Variants in SCUBE2 observed in about 807,000 individuals in gnomAD.
SCUBE2 encodes signal peptide, CUB domain and EGF like domain containing 2.
SCUBE2 carries 114 observed loss-of-function variants against 125.9 expected under a neutral mutation model. That is an observed-to-expected ratio of 0.91 (90% CI 0.78 to 1.06). The LOEUF is 1.06. Among genes scored for constraint, SCUBE2 ranks in the 50% least tolerant of loss-of-function variants. SCUBE2 has a pLI of 0.00. For synonymous variants in SCUBE2, 459 were observed against 492.9 expected (o/e 0.93, Z 0.91); for missense variants, 1,255 against 1,301.8 (o/e 0.96, Z 0.55).
chr11:9,032,453 G>A (rs1856390325), intron 17 of SCUBE2, among the ~76,000 whole-genome samples: 1 of 152,128 alleles, frequency 6.6e-6, no homozygotes, highest in South Asian at 2.1e-4. Flanking sequence ...GGTCACATAG[G>A]CCGGGTGCAG....
In SCUBE2 at chr11:9,046,500, C is replaced by T. The variant is rs137888131; in HGVS notation, c.2002+856G>A. 1.4e-4 allele frequency among the ~76,000 whole-genome samples: 21 copies of T among 152,240 alleles called. No homozygotes were observed. The East Asian group carries it at 3.5e-3, about 25-fold the overall frequency. On this transcript the variant is annotated intron_variant, in intron 16 of 22. Transcript: ENST00000649792. ...AACTGGCCACAAAGACTCCCTGGCCCGTCCGTGAGGCCTAACCCCAACAGG... is the reference window on the plus strand; with the variant it reads ...AACTGGCCACAAAGACTCCCTGGCCTGTCCGTGAGGCCTAACCCCAACAGG...
chr11:9,045,626 C>G (rs978481937), intron 16 of SCUBE2, among the ~76,000 whole-genome samples: 24 of 148,798 alleles, frequency 1.6e-4, no homozygotes, highest in African/African-American at 2.6e-4. Context: ...CACACACACA[C>G]ACACACACAC....
At position 9,029,883 on chromosome 11, in the gene SCUBE2, C is replaced by CT. The variant is rs1856144338; in HGVS notation, c.2503dup (p.Asn835LysfsTer16). Reference sequence around the variant, plus strand: ...ATGAAAAGCCTTAGAGAGGGACCTACTTTTACACTGGGTTATGTTTGTGGA... The same window carrying CT: ...ATGAAAAGCCTTAGAGAGGGACCTACTTTTTACACTGGGTTATGTTTGTGGA... On this transcript the variant is annotated frameshift_variant and splice_region_variant. Transcript: ENST00000649792. LOFTEE classifies it high-confidence loss of function. 1 of 1,614,062 alleles carries CT rather than the reference C, an allele frequency of 6.2e-7. No individual in the cohort carries two copies. Among genetic ancestry groups the CT allele is most frequent in the Non-Finnish European group, 8.5e-7 (1 of 1,180,022 alleles).
intron 4 of SCUBE2, 122 bp from the exon 5 acceptor site, chr11:9,069,617 C>A (rs755780845): frequency 4.7e-6 from 6 of 1,283,758 alleles, no homozygotes; most frequent in Non-Finnish European, 6.5e-6. Flanking sequence ...ATCAGCCCCA[C>A]ATTTGAAAAG....
intron 3 of SCUBE2, among the ~76,000 whole-genome samples, chr11:9,076,220 A>AGGGAGGAGGCAGAGGAGAT (rs1246609451): frequency 6.6e-6 from 1 of 152,102 alleles, no homozygotes; most frequent in Non-Finnish European, 1.5e-5. Context: ...TGCCAGGGGC[A>AGGGAGGAGGCAGAGGAGAT]GGGAGGAGGC....
At chr11:9,052,904 C>A (rs1449220844) in intron 12 of SCUBE2, 72 bp from the exon 13 acceptor site, 3 of 1,240,012 alleles carry the variant, frequency 2.4e-6, no homozygotes, top group Non-Finnish European at 3.4e-6. Context: ...GCTAAACTGT[C>A]CCCCCACCCC....
chr11:9,088,870 G>A (rs1030134178), intron 2 of SCUBE2, among the ~76,000 whole-genome samples: 3 of 152,206 alleles, frequency 2.0e-5, no homozygotes, highest in Non-Finnish European at 2.9e-5. Context: ...GCTAGGGGTG[G>A]AGACCTGACT....
Position 9,069,367 on chromosome 11 carries a change from T to G in SCUBE2, c.643+3A>C, listed in dbSNP as rs762440247. 6.2e-7 allele frequency: 1 copy of G among 1,614,172 alleles called. No individual in the cohort carries two copies. The highest frequency in any genetic ancestry group is 8.5e-7 in the Non-Finnish European group (1 of 1,180,014). On this transcript the variant is annotated splice_donor_region_variant and intron_variant, in intron 5 of 22. Coordinates refer to ENST00000649792, the MANE Select transcript of SCUBE2 (RefSeq NM_001367977.2). ...TGGCAGGTGTGCACTGGCCCATACT[T>G]ACAGATGCAGTCTCTCTGGTTCTTG...
At chr11:9,066,066 G>A in intron 6 of SCUBE2, 86 bp from the exon 7 acceptor site, 3 of 873,270 alleles carry the variant, frequency 3.4e-6, no homozygotes, top group Non-Finnish European at 5.6e-6. Context: ...TGAAATCCCA[G>A]ACATAAGAGG....
At chr11:9,061,571 G>GA (rs11301303) in intron 7 of SCUBE2, among the ~76,000 whole-genome samples, 11,207 of 101,038 alleles carry the variant, frequency 0.11, 787 homozygotes, top group African/African-American at 0.26. Context: ...GAAAAGAAAA[G>GA]AAAAAAAAAA....
At chr11:9,066,130 C>G in intron 6 of SCUBE2, 150 bp from the exon 7 acceptor site, 1 of 616,928 alleles carries the variant, frequency 1.6e-6, no homozygotes, top group Non-Finnish European at 2.9e-6. Flanking sequence ...TAATGAGGCT[C>G]TGTGGGAGAC....
rs1010704374 is a variant in SCUBE2 at position 9,074,415 on chromosome 11, T to C, written c.517+66A>G. On this transcript the variant is annotated intron_variant, in intron 4 of 22. Coordinates refer to ENST00000649792, the MANE Select transcript of SCUBE2 (RefSeq NM_001367977.2). ...GCTTCCCCTCTAGAGTCAGTGTGTGTGTGCGCGTGCAAGGGAGAGGGTCTC... is the reference window on the plus strand; with the variant it reads ...GCTTCCCCTCTAGAGTCAGTGTGTGCGTGCGCGTGCAAGGGAGAGGGTCTC... 3.5e-5 allele frequency: 56 copies of C among 1,578,700 alleles called. 2 individuals are homozygous for C. Among genetic ancestry groups the C allele is most frequent in the Non-Finnish European group, 6.0e-6 (7 of 1,158,102 alleles).
chr11:9,041,189 C>T (rs919023130), intron 16 of SCUBE2, among the ~76,000 whole-genome samples: 1 of 152,130 alleles, frequency 6.6e-6, no homozygotes, highest in Non-Finnish European at 1.5e-5. Flanking sequence ...ACATAGTGTA[C>T]TAGCCAATAG....
rs1032686368 is a variant in SCUBE2, at chr11:9,089,818, A to G, written c.145T>C (p.Cys49Arg). The change falls in exon 2 of 23, where the codon TGT (cysteine) becomes CGT (arginine). Residue 49 changes from cysteine to arginine, a missense_variant. Cys to Arg is a radical substitution (Grantham distance 180, BLOSUM62 -3). Around this residue, in one of 3 missense-constraint regions of SCUBE2, gnomAD observed 362 missense variants for 323.0 expected, o/e 1.12. Transcript: ENST00000649792. ...AAGPQEDVDE[C>R]AQGLDDCHAD... ...TGGCAGTCATCTAGCCCTTGGGCAC[A>G]CTCATCTACATCTGCAAAAGAGCAC... is the stretch of plus-strand genomic sequence containing the variant. 14 of 1,613,460 alleles carry G rather than the reference A, an allele frequency of 8.7e-6. No individual in the cohort carries two copies. The highest frequency in any genetic ancestry group is 2.7e-5 in the African/African-American group (2 of 74,830).
At chr11:9,047,795 C>A in intron 15 of SCUBE2, 148 bp downstream of exon 15, 1 of 1,040,502 alleles carries the variant, frequency 9.6e-7, no homozygotes, top group Non-Finnish European at 1.4e-6. Flanking sequence ...GGTTCCAAAC[C>A]AATTCAGTTT....
chr11:9,027,459 T>G lies in SCUBE2; in HGVS notation c.2606A>C (p.Asn869Thr). 6.2e-7 allele frequency: 1 copy of G among 1,613,852 alleles called. No individual in the cohort carries two copies. Among genetic ancestry groups the G allele is most frequent in the Non-Finnish European group, 8.5e-7 (1 of 1,179,976 alleles). ...CAGGATGCGGCGCTTGGGGGGTGGG[T>G]TGATGGTCCACGTACACTCGGTGTT... Reference protein sequence around the residue: ...PANTECTWTINPPPKRRILIV... With the variant: ...PANTECTWTITPPPKRRILIV... The change falls in exon 20 of 23, where the codon AAC becomes ACC. Residue 869 changes from asparagine (N) to threonine (T), a missense_variant. By Grantham distance (65) the Asn-to-Thr change is moderately conservative. Coordinates refer to ENST00000649792, the MANE Select transcript of SCUBE2 (RefSeq NM_001367977.2).
At chr11:9,025,588 C>G in intron 21 of SCUBE2, 114 bp downstream of exon 21, 1 of 1,325,932 alleles carries the variant, frequency 7.5e-7, no homozygotes. Flanking sequence ...CTTTTCCCCT[C>G]ATCTTGCCTG....
intron 19 of SCUBE2, among the ~76,000 whole-genome samples, chr11:9,029,168 T>C (rs1364126592): frequency 6.6e-6 from 1 of 151,220 alleles, no homozygotes; most frequent in Non-Finnish European, 1.5e-5. Context: ...ATAGTGGCTT[T>C]AAAAAAAAAG....
intron 4 of SCUBE2, among the ~76,000 whole-genome samples, chr11:9,069,904 A>G (rs940461830): frequency 6.6e-6 from 1 of 152,234 alleles, no homozygotes; most frequent in Non-Finnish European, 1.5e-5. Flanking sequence ...AAGATTCTCA[A>G]TTTTTTCACA....
Sources: gnomAD v4.1 joint callset for allele counts (sites outside exome capture counted in the v4.1 genomes callset) on GRCh38, gnomAD v4.1.1 for gene constraint, gnomAD v4.1.1 regional missense constraint, MANE v1.5 for transcripts, NCBI Gene and HGNC (gene_info 2026-07-23, HGNC 2026-07-21) for gene names.